The following NCKAP1 variants were observed in gnomAD, a reference collection of about 807,000 sequenced individuals.
NCKAP1 encodes the protein nck-associated protein 1.
NCKAP1 carries 21 observed loss-of-function variants against 151.2 expected under a neutral mutation model. That is an observed-to-expected ratio of 0.14 (90% CI 0.10 to 0.20). The LOEUF (loss-of-function observed/expected upper bound fraction) is 0.20, where lower values mean the gene tolerates loss of function less well. NCKAP1 is among the 10% of genes least tolerant of loss of function. The pLI is 1.00. For synonymous variants in NCKAP1, 484 were observed against 451.8 expected, an observed-to-expected ratio of 1.07 and a Z score of -0.90; for missense variants, 933 against 1,352.1, an observed-to-expected ratio of 0.69 and a Z score of 4.86.
intron 15 of NCKAP1, among the ~76,000 whole-genome samples, chr2:182,967,915 G>GA (rs779754632): frequency 1.8e-4 from 27 of 152,056 alleles, no homozygotes; most frequent in Non-Finnish European, 2.6e-4. Context: ...AGGTTGTGGG[G>GA]AAAAAAATTC....
At chr2:183,022,314 A>G (rs905510567) in intron 2 of NCKAP1, among the ~76,000 whole-genome samples, 2 of 152,366 alleles carry the variant, frequency 1.3e-5, no homozygotes, top group Admixed American at 6.5e-5. Flanking sequence ...ACAGATTTTC[A>G]TAACAAAATC....
At chr2:182,952,543 A>T in intron 22 of NCKAP1, 41 bp from the exon 23 acceptor site, 1 of 1,399,882 alleles carries the variant, frequency 7.1e-7, no homozygotes, top group South Asian at 1.3e-5. Flanking sequence ...CCGACAGAGC[A>T]AATACTTTAA....
chr2:182,944,945 C>T (rs1345375565), intron 23 of NCKAP1, among the ~76,000 whole-genome samples: 1 of 151,918 alleles, frequency 6.6e-6, no homozygotes, highest in African/African-American at 2.4e-5. Flanking sequence ...CTACAAAAAA[C>T]TTTAAAAGGC....
chr2:182,998,717 C>T (rs1184025413), intron 6 of NCKAP1, among the ~76,000 whole-genome samples: 2 of 151,380 alleles, frequency 1.3e-5, no homozygotes, highest in African/African-American at 2.4e-5. Flanking sequence ...GTAATCCCAG[C>T]TACTGAGGGG....
intron 15 of NCKAP1, among the ~76,000 whole-genome samples, chr2:182,972,499 GAA>G (rs1291486056): frequency 1.3e-5 from 2 of 152,158 alleles, no homozygotes; most frequent in East Asian, 3.9e-4. Context: ...AGCCGCTATT[GAA>G]AACAGTAGTG....
chr2:183,021,693 C>A (rs2105892797), intron 2 of NCKAP1, among the ~76,000 whole-genome samples: 1 of 152,228 alleles, frequency 6.6e-6, no homozygotes, highest in Non-Finnish European at 1.5e-5. Context: ...AAACCAGTCA[C>A]AGAAGACCAC....
intron 1 of NCKAP1, among the ~76,000 whole-genome samples, chr2:183,029,898 A>AAAG (rs1698973955): frequency 6.6e-6 from 1 of 152,116 alleles, no homozygotes; most frequent in African/African-American, 2.4e-5. Flanking sequence ...TTGGAAGTAA[A>AAAG]AAGAACATTT....
chr2:182,996,489 G>A (rs896021320), intron 6 of NCKAP1, among the ~76,000 whole-genome samples: 2 of 151,190 alleles, frequency 1.3e-5, no homozygotes, highest in East Asian at 1.9e-4. Flanking sequence ...ACGGAGTCTC[G>A]CTCTTTTGCC....
intron 2 of NCKAP1, among the ~76,000 whole-genome samples, chr2:183,007,788 CT>C (rs1698508483): frequency 6.6e-6 from 1 of 152,178 alleles, no homozygotes; most frequent in Non-Finnish European, 1.5e-5. Context: ...AAATCTCTGC[CT>C]AAACTGTCCC....
rs761803553 is a variant in NCKAP1, at chr2:182,967,382, AAAG to A, written c.1483-24_1483-22del. 3.2e-6 allele frequency: 5 copies of A among 1,579,912 alleles called. No homozygotes were observed. In the African/African-American group the frequency reaches 4.1e-5, roughly 13 times the overall value. ...TATGCCTATAAAGTACAAAAAAAAA[AAAG>A]TAGTTCAGGTAAACATAAATGACTT... On this transcript the variant is annotated intron_variant, in intron 15 of 30. Coordinates refer to ENST00000361354, the MANE Select transcript of NCKAP1 (RefSeq NM_013436.5).
intron 2 of NCKAP1, among the ~76,000 whole-genome samples, chr2:183,007,961 T>C (rs1698511899): frequency 6.6e-6 from 1 of 152,168 alleles, no homozygotes; most frequent in Non-Finnish European, 1.5e-5. Context: ...AGTTTGGCTC[T>C]TGTTGCCCAG....
intron 15 of NCKAP1, among the ~76,000 whole-genome samples, chr2:182,973,711 T>G (rs972556697): frequency 6.6e-6 from 1 of 152,196 alleles, no homozygotes; most frequent in African/African-American, 2.4e-5. Flanking sequence ...CACTTCTACC[T>G]GAAACCAAAG....
At chr2:183,031,705 T>C (rs1699007258) in intron 1 of NCKAP1, among the ~76,000 whole-genome samples, 1 of 152,190 alleles carries the variant, frequency 6.6e-6, no homozygotes, top group Non-Finnish European at 1.5e-5. Context: ...TTCCTATGGA[T>C]TCACTCATTT....
intron 1 of NCKAP1, among the ~76,000 whole-genome samples, chr2:183,033,413 T>A (rs1699043148): frequency 6.6e-6 from 1 of 152,156 alleles, no homozygotes; most frequent in African/African-American, 2.4e-5. Context: ...CTCTTTACCA[T>A]CTCTCCCAGA....
At chr2:182,935,098 A>G (rs913405209) in intron 25 of NCKAP1, among the ~76,000 whole-genome samples, 195 bp downstream of exon 25, 8 of 152,190 alleles carry the variant, frequency 5.3e-5, no homozygotes, top group Non-Finnish European at 1.2e-4. Flanking sequence ...CGCAAGTTAT[A>G]CTCTGCAAGC....
Position 182,962,178 on chromosome 2 carries a change from T to C in NCKAP1, c.1862A>G (p.Gln621Arg), listed in dbSNP as rs748312412. ...CATTACCTGGTCACTAAGGGTACAC[T>C]GTTCTGTGCAAATATCAGTGATGAG... is the stretch of plus-strand genomic sequence containing the variant. ...RNLITDICTE[Q>R]CTLSDQLLPK... The change falls in exon 18 of 31, where the codon CAG becomes CGG. Residue 621 changes from glutamine to arginine, a missense_variant. Gln to Arg is a conservative substitution (Grantham distance 43). Around this residue, in one of 2 missense-constraint regions of NCKAP1, gnomAD observed 607 missense variants for 795.0 expected, o/e 0.76. Transcript: ENST00000361354. 4 of 1,611,764 alleles carry C rather than the reference T, an allele frequency of 2.5e-6. No homozygotes were observed. Among genetic ancestry groups the C allele is most frequent in the Non-Finnish European group, 2.5e-6 (3 of 1,178,714 alleles).
Position 183,002,283 on chromosome 2 carries a change from A to C in NCKAP1, c.370-14T>G. 1 of 1,466,752 alleles carries C rather than the reference A, an allele frequency of 6.8e-7. No individual in the cohort carries two copies. The highest frequency in any genetic ancestry group is 9.3e-7 in the Non-Finnish European group (1 of 1,078,652). The allele number at this position is 1,466,752 out of a possible 1,614,324, so 90.9% of individuals were successfully genotyped here. A position where few individuals can be genotyped will look rare whatever the true frequency, so the allele number is the denominator to read the frequency against. The stretch of plus-strand genomic sequence containing the variant: ...AAAGTTTACAGTCTAGGAGAAAAAA[A>C]AATCAAGTTCAACTACTTCCTATTT... On this transcript the variant is annotated splice_polypyrimidine_tract_variant and intron_variant, in intron 4 of 30. Transcript: ENST00000361354.
intron 27 of NCKAP1, among the ~76,000 whole-genome samples, chr2:182,929,748 T>G: frequency 6.8e-6 from 1 of 146,458 alleles, no homozygotes; most frequent in African/African-American, 2.6e-5. Context: ...GGAAACAAAA[T>G]TGCATTGTTA....
In NCKAP1 at chr2:182,914,767, T is replaced by C. The variant is rs1386080267; in HGVS notation, c.*10935A>G. On this transcript the variant is annotated 3_prime_UTR_variant, in exon 31 of 31. Transcript: ENST00000361354. ...TATGCTGTGAGGTGGGAAAGGCTGA[T>C]GGCTAGACCGACACTGCAGAGTTCC... is the stretch of plus-strand genomic sequence containing the variant. The C allele has an allele frequency of 6.6e-6, 1 of 152,230 alleles. No homozygotes were observed. The highest frequency in any genetic ancestry group is 1.5e-5 in the Non-Finnish European group (1 of 68,040). 9.4% of individuals were successfully genotyped at this position (152,230 alleles called of 1,614,324 possible).
Sources: allele counts gnomAD v4.1 joint callset (sites outside exome capture counted in the v4.1 genomes callset), GRCh38; gene constraint gnomAD v4.1.1; regional missense constraint gnomAD v4.1.1; transcripts MANE v1.5; gene names NCBI Gene and HGNC (gene_info 2026-07-23, HGNC 2026-07-21).